MRM1: variants seen among roughly 807,000 people sequenced by gnomAD.
The protein encoded by MRM1 is rRNA methyltransferase 1, mitochondrial.
MRM1 carries 24 observed loss-of-function variants against 25.0 expected under a neutral mutation model. That is an observed-to-expected ratio of 0.96 (90% CI 0.69 to 1.35). MRM1 has a LOEUF of 1.35. MRM1 is among the 40% of genes most tolerant of loss of function. MRM1 has a pLI of 0.00. For missense variants in MRM1, 431 were observed against 464.1 expected (o/e 0.93, Z 0.65); for synonymous variants, 188 against 199.2 (o/e 0.94, Z 0.47).
intron 2 of MRM1, among the ~76,000 whole-genome samples, chr17:36,605,072 G>A (rs541548856): frequency 2.0e-5 from 3 of 151,986 alleles, no homozygotes; most frequent in South Asian, 4.2e-4. Flanking sequence ...TCCAGGAGGC[G>A]GAGGTTGCAG....
At chr17:36,611,325 C>T (rs567557757), downstream of MRM1, among the ~76,000 whole-genome samples, 2 of 152,330 alleles carry the variant, frequency 1.3e-5, no homozygotes, top group Admixed American at 1.3e-4. Flanking sequence ...TGGCTTTCCA[C>T]TTAGATGGCT....
the MRM1 span, among the ~76,000 whole-genome samples, chr17:36,614,709 A>G: frequency 2.0e-5 from 3 of 152,114 alleles, no homozygotes; most frequent in Non-Finnish European, 4.4e-5. Flanking sequence ...CTTCTGTAAA[A>G]TGAGGATGTC....
chr17:36,618,310 C>T, the MRM1 span, among the ~76,000 whole-genome samples: 2 of 152,216 alleles, frequency 1.3e-5, no homozygotes, highest in East Asian at 3.9e-4. Flanking sequence ...TACTCTGTGC[C>T]AGCTGGGGAT....
At chr17:36,630,419 G>A in the MRM1 span, among the ~76,000 whole-genome samples, 1 of 152,172 alleles carries the variant, frequency 6.6e-6, no homozygotes, top group Non-Finnish European at 1.5e-5. Context: ...CCCGCTCTTT[G>A]TCTCGTCCGT....
chr17:36,605,318 A>C (rs1421034841), intron 2 of MRM1, among the ~76,000 whole-genome samples: 1 of 148,752 alleles, frequency 6.7e-6, no homozygotes, highest in Admixed American at 6.8e-5. Flanking sequence ...ATCTCACCTA[A>C]TTTTTTTCTT....
intron 4 of MRM1, 63 bp from the exon 5 acceptor site, chr17:36,608,180 C>G: frequency 1.3e-6 from 2 of 1,518,878 alleles, no homozygotes; most frequent in Non-Finnish European, 1.8e-6. Context: ...GCCTGAATGT[C>G]TAGGTCTCTA....
At chr17:36,612,615 A>G (rs567322472), downstream of MRM1, among the ~76,000 whole-genome samples, 17 of 152,222 alleles carry the variant, frequency 1.1e-4, no homozygotes, top group Admixed American at 2.0e-4. Flanking sequence ...CAGAGGAGAG[A>G]GCAGTGGTGG....
intron 2 of MRM1, 98 bp from the exon 3 acceptor site, chr17:36,607,572 G>A: frequency 7.0e-7 from 1 of 1,423,416 alleles, no homozygotes. Flanking sequence ...GCGGTGAGCT[G>A]TGATCGTGCC....
downstream of MRM1, among the ~76,000 whole-genome samples, chr17:36,612,033 G>A (rs1418211223): frequency 1.3e-5 from 2 of 152,182 alleles, no homozygotes; most frequent in African/African-American, 4.8e-5. Context: ...CCCTGCATAT[G>A]GGATGCAGGG....
At position 36,602,630 on chromosome 17, in the gene MRM1, T is replaced by TC. The variant is rs2074889407; in HGVS notation, c.621dup (p.Thr208HisfsTer52). On this transcript the variant is annotated frameshift_variant, in exon 2 of 5. Transcript: ENST00000614766. LOFTEE classifies it high-confidence loss of function. This position sits in a 1 kb window ranked among gnomAD's most constrained non-coding sequence, Gnocchi z 4.1. The stretch of plus-strand genomic sequence containing the variant: ...ATGGACGTGTTCTCCACTGATGACC[T>TC]CACCGGATTTTTACAGGTAATGAGG... 4 of 1,613,940 alleles carry TC rather than the reference T, an allele frequency of 2.5e-6. No individual in the cohort carries two copies. In the South Asian group the frequency reaches 4.4e-5, roughly 18 times the overall value.
chr17:36,609,214 C>T (rs535079646), downstream of MRM1, among the ~76,000 whole-genome samples: 1 of 152,326 alleles, frequency 6.6e-6, no homozygotes, highest in South Asian at 2.1e-4. Flanking sequence ...TGGCACTCCT[C>T]CCCTCGGGTC....
chr17:36,609,719 G>C (rs1188398054), downstream of MRM1, among the ~76,000 whole-genome samples: 1 of 152,156 alleles, frequency 6.6e-6, no homozygotes, highest in African/African-American at 2.4e-5. Context: ...ACCCACCTGG[G>C]CCTCGGTGCC....
chr17:36,604,107 C>T lies in MRM1; in HGVS notation c.636+1461C>T, dbSNP rs116425454. On this transcript the variant is annotated intron_variant, in intron 2 of 4. Transcript: ENST00000614766. Reference sequence around the variant, plus strand: ...TGTGCTGGGGCCCCATCCCTTCCTGCGTACTCAGAGACACTGCTGTAGCAA... The same window carrying T: ...TGTGCTGGGGCCCCATCCCTTCCTGTGTACTCAGAGACACTGCTGTAGCAA... Among the ~76,000 whole-genome samples the T allele has an allele frequency of 8.8e-3, 1,340 of 152,314 alleles. 22 individuals carry two copies. Among genetic ancestry groups the T allele is most frequent in the South Asian group, 0.045 (219 of 4,824 alleles).
At chr17:36,631,355 T>C in the MRM1 span, among the ~76,000 whole-genome samples, 1 of 152,230 alleles carries the variant, frequency 6.6e-6, no homozygotes, top group African/African-American at 2.4e-5. Flanking sequence ...TCCATTTAAA[T>C]GATTTGGGGT....
Position 36,602,451 on chromosome 17 carries a change from G to C in MRM1, c.542+99G>C. On this transcript the variant is annotated intron_variant, in intron 1 of 4. Transcript: ENST00000614766. The surrounding 1 kb of genome is among the most constrained non-coding windows in gnomAD (Gnocchi z 4.1). Reference sequence around the variant, plus strand: ...GGTGATCCCTTAGCCAGACTTACCTGTCCCAGAACTCTCATCCCCCTAGCC... The same window carrying C: ...GGTGATCCCTTAGCCAGACTTACCTCTCCCAGAACTCTCATCCCCCTAGCC... 6.3e-7 allele frequency: 1 copy of C among 1,585,036 alleles called. No individual in the cohort carries two copies. Among genetic ancestry groups the C allele is most frequent in the South Asian group, 1.1e-5 (1 of 87,118 alleles).
chr17:36,604,497 TTTG>T (rs560518691), intron 2 of MRM1, among the ~76,000 whole-genome samples: 2 of 152,176 alleles, frequency 1.3e-5, no homozygotes, highest in East Asian at 3.8e-4. Context: ...TCGGATCTCT[TTTG>T]TTGTTGTTGT....
the MRM1 span, among the ~76,000 whole-genome samples, chr17:36,621,610 C>A: frequency 6.6e-6 from 1 of 152,158 alleles, no homozygotes; most frequent in African/African-American, 2.4e-5. Context: ...AAAATCAAAT[C>A]TCATTAAAGG....
intron 2 of MRM1, among the ~76,000 whole-genome samples, chr17:36,603,945 T>G (rs1347342333): frequency 6.6e-6 from 1 of 152,130 alleles, no homozygotes; most frequent in African/African-American, 2.4e-5. Context: ...ACAGGTAGCT[T>G]CTGAAAACAC....
chr17:36,602,550 C>CA lies in MRM1; in HGVS notation c.543-2dup. 6.2e-7 allele frequency: 1 copy of CA among 1,614,170 alleles called. No individual in the cohort carries two copies. The highest frequency in any genetic ancestry group is 1.1e-5 in the South Asian group (1 of 91,084). ...TAATGCGGGGAACGGGGAAACCTTG[C>CA]AGCTGCCCGCTCACTCCAGTAGTCA... On this transcript the variant is annotated splice_polypyrimidine_tract_variant and splice_region_variant and intron_variant, in intron 1 of 4. Transcript: ENST00000614766. This position sits in a 1 kb window ranked among gnomAD's most constrained non-coding sequence, Gnocchi z 4.1.
Sources: allele counts gnomAD v4.1 joint callset (sites outside exome capture counted in the v4.1 genomes callset), GRCh38; gene constraint gnomAD v4.1.1; non-coding constraint Gnocchi (gnomAD v3.1); transcripts MANE v1.5; gene names NCBI Gene and HGNC (gene_info 2026-07-23, HGNC 2026-07-21).